Variants in ZSCAN5A observed in about 807,000 individuals in gnomAD.
ZSCAN5A encodes the protein zinc finger and SCAN domain-containing protein 5A.
A neutral mutation model predicts 23.7 loss-of-function variants in ZSCAN5A; 12 were observed. The observed-to-expected ratio is 0.51, with a 90% CI of 0.32 to 0.82. The LOEUF is 0.82. ZSCAN5A is among the 40% of genes least tolerant of loss of function. The pLI, the probability that ZSCAN5A is intolerant of heterozygous loss-of-function variation, is 0.03. For missense variants in ZSCAN5A, 597 were observed against 617.9 expected (o/e 0.97, Z 0.36); for synonymous variants, 257 against 239.9 (o/e 1.07, Z -0.66).
chr19:56,314,328 A>C (rs8104516), intron 1 of ZSCAN5A: 2 of 152,238 alleles, frequency 1.3e-5, no homozygotes, highest in African/African-American at 4.8e-5. Flanking sequence ...ACCTGGCGAC[A>C]GGCGTGAAAG....
chr19:56,300,087 G>A (rs959289482), intron 2 of ZSCAN5A: 2 of 152,176 alleles, frequency 1.3e-5, no homozygotes, highest in Non-Finnish European at 2.9e-5. Flanking sequence ...GGATATGCTG[G>A]TGTTGGTGAA....
intron 2 of ZSCAN5A, among the ~76,000 whole-genome samples, chr19:56,253,810 C>T (rs904255466): frequency 3.9e-5 from 6 of 152,166 alleles, no homozygotes; most frequent in East Asian, 3.9e-4. Context: ...AGGTTTTGCA[C>T]GGGGTAAGGT....
intron 2 of ZSCAN5A, chr19:56,302,998 G>A (rs2040446850): frequency 2.5e-6 from 1 of 397,336 alleles, no homozygotes; most frequent in South Asian, 1.3e-4. Flanking sequence ...TAGTGCAGGA[G>A]GCAGTGGCGC....
chr19:56,345,631 A>G (rs11671425), intron 2 of ZSCAN5A, among the ~76,000 whole-genome samples: 29,674 of 152,150 alleles, frequency 0.2, 3,835 homozygotes, highest in African/African-American at 0.37. Flanking sequence ...TTTATCATAG[A>G]ATGGTATAAG....
intron 2 of ZSCAN5A, among the ~76,000 whole-genome samples, chr19:56,242,333 A>T (rs2035492941): frequency 6.6e-6 from 1 of 152,170 alleles, no homozygotes; most frequent in African/African-American, 2.4e-5. Flanking sequence ...ACATGTCTTC[A>T]TCTGAGGTGT....
chr19:56,339,970 A>G (rs1047509289), intron 2 of ZSCAN5A, among the ~76,000 whole-genome samples: 1 of 152,204 alleles, frequency 6.6e-6, no homozygotes, highest in Non-Finnish European at 1.5e-5. Flanking sequence ...GACCCTTCCA[A>G]TCTGTTCCTG....
rs1010947939 is a variant in ZSCAN5A at position 56,358,039 on chromosome 19, A to G, written c.-358+5196T>C. Among the ~76,000 whole-genome samples, 5 of 149,018 alleles carry G rather than the reference A, an allele frequency of 3.4e-5. No homozygotes were observed. In the East Asian group the frequency reaches 9.6e-4, roughly 29 times the overall value. ...AGAAGGGCATTAGGTAATGGTAAAA[A>G]CTTTAATTCAGCAAAAAGAGCCAAC... On this transcript the variant is annotated intron_variant, in intron 2 of 6. Coordinates refer to the ZSCAN5A transcript ENST00000587340.
At position 56,222,594 on chromosome 19, in the gene ZSCAN5A, G is replaced by A; in HGVS notation, c.736C>T (p.Pro246Ser). ...TSPEPQLPKS[P>S]TDLVRAKEGK... ...GGATCCAAGTCTTCATACTCACTGG[G>A]ACTCTTTGGAAGCTGAGGCTCTGGG... The change falls in exon 5 of 6, where the codon CCC becomes TCC. Residue 246 changes from proline to serine, a missense_variant. Physicochemically the swap from Pro to Ser is moderately conservative, Grantham distance 74. This residue lies in a region of ZSCAN5A where 406 missense variants were observed against 353.2 expected (regional missense o/e 1.15). Coordinates refer to ENST00000683990, the MANE Select transcript of ZSCAN5A (RefSeq NM_001322064.3). The A allele has an allele frequency of 6.2e-7, 1 of 1,614,120 alleles. No individual in the cohort carries two copies. The highest frequency in any genetic ancestry group is 8.5e-7 in the Non-Finnish European group (1 of 1,180,008).
intron 2 of ZSCAN5A, chr19:56,296,284 G>A (rs141050565): frequency 6.6e-6 from 1 of 152,424 alleles, no homozygotes; most frequent in African/African-American, 2.4e-5. Context: ...GTCTGGAAGT[G>A]TTTATCATGC....
intron 2 of ZSCAN5A, among the ~76,000 whole-genome samples, chr19:56,276,487 A>G (rs2038264738): frequency 6.7e-6 from 1 of 148,326 alleles, no homozygotes; most frequent in African/African-American, 2.5e-5. Context: ...GAAAAAAATT[A>G]TTAAGGATCT....
At chr19:56,300,319 A>G (rs145499552) in intron 2 of ZSCAN5A, among the ~76,000 whole-genome samples, 1 of 152,336 alleles carries the variant, frequency 6.6e-6, no homozygotes, top group Non-Finnish European at 1.5e-5. Context: ...CCTCAAGTTA[A>G]AGAACTTGAC....
intron 2 of ZSCAN5A, chr19:56,320,406 C>G: frequency 3.0e-6 from 1 of 329,570 alleles, no homozygotes; most frequent in Non-Finnish European, 5.8e-6. Flanking sequence ...TCCTGACCAA[C>G]ATGGAGAAAC....
At chr19:56,245,273 G>A (rs61742742) in intron 2 of ZSCAN5A, 36,726 of 706,480 alleles carry the variant, frequency 0.052, 1,728 homozygotes, top group East Asian at 0.2. Flanking sequence ...ATCAGATGTC[G>A]AGATGGCTGA....
intron 2 of ZSCAN5A, among the ~76,000 whole-genome samples, chr19:56,303,338 C>T (rs1377061109): frequency 2.0e-5 from 3 of 151,992 alleles, no homozygotes; most frequent in South Asian, 2.1e-4. Flanking sequence ...AATAGCCGGG[C>T]ATGGTGGCGC....
intron 2 of ZSCAN5A, among the ~76,000 whole-genome samples, chr19:56,355,069 A>T (rs1427475878): frequency 6.6e-6 from 1 of 152,202 alleles, no homozygotes; most frequent in Non-Finnish European, 1.5e-5. Flanking sequence ...TGTGGGTGTG[A>T]CACTGATATT....
At chr19:56,239,138 T>TC (rs1359526077) in intron 2 of ZSCAN5A, among the ~76,000 whole-genome samples, 4 of 152,256 alleles carry the variant, frequency 2.6e-5, no homozygotes, top group African/African-American at 9.6e-5. Flanking sequence ...TCCCTGGTTC[T>TC]ATTCACAGGG....
chr19:56,245,229 T>A (rs1251697754), intron 2 of ZSCAN5A: 2 of 618,222 alleles, frequency 3.2e-6, no homozygotes, highest in Non-Finnish European at 3.0e-6. Context: ...CAGTCTGTGG[T>A]CAATTTTCTT....
At chr19:56,343,293 CT>C (rs1344702421) in intron 2 of ZSCAN5A, 1 of 767,794 alleles carries the variant, frequency 1.3e-6, no homozygotes, top group African/African-American at 1.8e-5. Context: ...GGAGAAGCCA[CT>C]AGTTTCTGAA....
chr19:56,256,236 A>G (rs1186773643), intron 2 of ZSCAN5A, among the ~76,000 whole-genome samples: 2 of 152,194 alleles, frequency 1.3e-5, no homozygotes, highest in African/African-American at 4.8e-5. Flanking sequence ...TCTGTTGCCC[A>G]GGCTGGAGTG....
Sources: gnomAD v4.1 joint callset for allele counts (sites outside exome capture counted in the v4.1 genomes callset) on GRCh38, gnomAD v4.1.1 for gene constraint, gnomAD v4.1.1 regional missense constraint, MANE v1.5 for transcripts, NCBI Gene and HGNC (gene_info 2026-07-23, HGNC 2026-07-21) for gene names.